Variants in OR2T6 observed in about 807,000 individuals in gnomAD.
The protein encoded by OR2T6 is olfactory receptor 2T6.
For missense variants in OR2T6, 424 were observed against 391.6 expected, an observed-to-expected ratio of 1.08 and a Z score of -0.70; for synonymous variants, 174 against 148.0, an observed-to-expected ratio of 1.18 and a Z score of -1.27.
Position 248,391,540 on chromosome 1 carries a change from A to G in OR2T6, c.*3005A>G, listed in dbSNP as rs932742776. The G allele has an allele frequency of 3.9e-5, 6 of 152,218 alleles. No individual in the cohort carries two copies. Among genetic ancestry groups the G allele is most frequent in the African/African-American group, 1.2e-4 (5 of 41,460 alleles). 9.4% of individuals were successfully genotyped at this position (152,218 alleles called of 1,614,324 possible). A position where few individuals can be genotyped will look rare whatever the true frequency, so the allele number is the denominator to read the frequency against. ...TATATGACACAGTAATTAATGTTAC[A>G]TAAGATTATGCTACATGGTACTATG... On this transcript the variant is annotated 3_prime_UTR_variant, in exon 3 of 3. Coordinates refer to ENST00000641644, the MANE Select transcript of OR2T6 (RefSeq NM_001005471.2).
intron 1 of OR2T6, among the ~76,000 whole-genome samples, chr1:248,376,524 AC>A (rs1202736171): frequency 2.0e-5 from 3 of 152,204 alleles, no homozygotes; most frequent in African/African-American, 4.8e-5. Context: ...GAAAAGTGGA[AC>A]TTTTACAATT....
chr1:248,377,226 G>T (rs867967923), intron 1 of OR2T6, among the ~76,000 whole-genome samples: 1 of 152,212 alleles, frequency 6.6e-6, no homozygotes, highest in Admixed American at 6.5e-5. Context: ...CTTTTCCAAA[G>T]ATCAGTTTTA....
Position 248,389,860 on chromosome 1 carries a change from G to A in OR2T6, c.*1325G>A, listed in dbSNP as rs768506108. The A allele has an allele frequency of 3.3e-5, 5 of 152,282 alleles. No individual in the cohort carries two copies. Among genetic ancestry groups the A allele is most frequent in the Non-Finnish European group, 5.9e-5 (4 of 68,076 alleles). The allele number at this position is 152,282 out of a possible 1,614,324, so 9.4% of individuals were successfully genotyped here. A position where few individuals can be genotyped will look rare whatever the true frequency, so the allele number is the denominator to read the frequency against. On this transcript the variant is annotated 3_prime_UTR_variant, in exon 3 of 3. Coordinates refer to ENST00000641644, the MANE Select transcript of OR2T6 (RefSeq NM_001005471.2). Reference sequence around the variant, plus strand: ...AAAGGATCACAAACCAGTCCAAGGGGAGAGAAGAAGAGAAAAGCGGTCCTG... The same window carrying A: ...AAAGGATCACAAACCAGTCCAAGGGAAGAGAAGAAGAGAAAAGCGGTCCTG...
intron 2 of OR2T6, among the ~76,000 whole-genome samples, chr1:248,385,730 G>C (rs2103071286): frequency 6.6e-6 from 1 of 152,320 alleles, no homozygotes; most frequent in Non-Finnish European, 1.5e-5. Flanking sequence ...TTTAGAGTGT[G>C]TCTCCTATTG....
At chr1:248,376,548 C>T (rs1038550779) in intron 1 of OR2T6, among the ~76,000 whole-genome samples, 50 of 152,146 alleles carry the variant, frequency 3.3e-4, no homozygotes, top group African/African-American at 1.2e-3. Flanking sequence ...ATGGAGTCAC[C>T]AGTTGGGCAT....
Position 248,388,843 on chromosome 1 carries a change from A to C in OR2T6, c.*308A>C. ...AGTTTGTGTATATGAATGCCCCAAAATGTTGAGTTAATATTACATATTCTG... is the reference window on the plus strand; with the variant it reads ...AGTTTGTGTATATGAATGCCCCAAACTGTTGAGTTAATATTACATATTCTG... On this transcript the variant is annotated 3_prime_UTR_variant, in exon 3 of 3. Coordinates refer to ENST00000641644, the MANE Select transcript of OR2T6 (RefSeq NM_001005471.2). 1 of 341,228 alleles carries C rather than the reference A, an allele frequency of 2.9e-6. No homozygotes were observed. The highest frequency in any genetic ancestry group is 5.3e-6 in the Non-Finnish European group (1 of 188,988). 21.1% of individuals were successfully genotyped at this position (341,228 alleles called of 1,614,324 possible).
chr1:248,388,536 G>C lies in OR2T6; in HGVS notation c.*1G>C, dbSNP rs1661191981. The C allele has an allele frequency of 1.9e-6, 3 of 1,555,896 alleles. No homozygotes were observed. Among genetic ancestry groups the C allele is most frequent in the Middle Eastern group, 3.5e-4 (2 of 5,714 alleles). On this transcript the variant is annotated 3_prime_UTR_variant, in exon 3 of 3. Coordinates refer to ENST00000641644, the MANE Select transcript of OR2T6 (RefSeq NM_001005471.2). ...GAAGAGAGTTGTGGCAAGATGTTAG[G>C]GGACATGTGGTGTGATGAGGAAAGA...
intron 1 of OR2T6, among the ~76,000 whole-genome samples, chr1:248,379,543 G>A (rs1328893121): frequency 6.6e-6 from 1 of 152,100 alleles, no homozygotes; most frequent in Non-Finnish European, 1.5e-5. Context: ...TGGGAAAAGA[G>A]GGAGTTTATA....
In OR2T6 at chr1:248,387,880, C is replaced by A. The variant is rs1661171127; in HGVS notation, c.272C>A (p.Thr91Asn). ...GTAGATTATCTCATGGGCGAGGGGACCATCTCTTTCATCGCCTGCACTGCT... is the reference window on the plus strand; with the variant it reads ...GTAGATTATCTCATGGGCGAGGGGAACATCTCTTTCATCGCCTGCACTGCT... ...MLVDYLMGEGTISFIACTAQC... is the reference protein window; with the variant it reads ...MLVDYLMGEGNISFIACTAQC... The change falls in exon 3 of 3, where the codon ACC (threonine) becomes AAC (asparagine). Residue 91 changes from threonine to asparagine, a missense_variant. Thr to Asn is a moderately conservative substitution (Grantham distance 65). Transcript: ENST00000641644. 8.8e-6 allele frequency: 14 copies of A among 1,596,236 alleles called. No homozygotes were observed. Among genetic ancestry groups the A allele is most frequent in the Non-Finnish European group, 1.0e-5 (12 of 1,168,568 alleles).
At chr1:248,379,216 T>C (rs572912504) in intron 1 of OR2T6, among the ~76,000 whole-genome samples, 96 of 152,292 alleles carry the variant, frequency 6.3e-4, no homozygotes, top group African/African-American at 2.0e-3. Context: ...TTTGTTGATA[T>C]GTTGTTGATA....
chr1:248,379,714 CA>C (rs57877752), intron 1 of OR2T6, among the ~76,000 whole-genome samples: 13,575 of 151,754 alleles, frequency 0.089, 1,869 homozygotes, highest in African/African-American at 0.3. Context: ...TAATTAATTC[CA>C]TTTTTTTGTG....
Position 248,384,745 on chromosome 1 carries a change from C to T in OR2T6, c.-124C>T, listed in dbSNP as rs1420954985. 1.3e-5 allele frequency: 2 copies of T among 152,208 alleles called. No homozygotes were observed. Among genetic ancestry groups the T allele is most frequent in the Admixed American group, 1.3e-4 (2 of 15,280 alleles). 9.4% of individuals were successfully genotyped at this position (152,208 alleles called of 1,614,324 possible). On this transcript the variant is annotated 5_prime_UTR_variant, in exon 2 of 3. Transcript: ENST00000641644. ...ATTCATCAGGTCCTCACGAGGAGCT[C>T]GTTAGATGAGATGCTACCCATTAGA...
Position 248,387,810 on chromosome 1 carries a change from G to A in OR2T6, c.202G>A (p.Val68Ile), listed in dbSNP as rs182818153. The A allele has an allele frequency of 5.0e-5, 80 of 1,608,972 alleles. No homozygotes were observed. Among genetic ancestry groups the A allele is most frequent in the Admixed American group, 3.2e-4 (19 of 59,844 alleles). The change falls in exon 3 of 3, where the codon GTC becomes ATC. Residue 68 changes from valine to isoleucine, a missense_variant. Transcript: ENST00000641644. ...GTACTTCCTCCTCAGCCACCTCTCC[G>A]TCATTGACACATTATACATCTCCAC... ...PMYFLLSHLS[V>I]IDTLYISTIV... is the part of the protein sequence containing the mutation.
At chr1:248,384,468 G>GT (rs1418542102) in intron 1 of OR2T6, among the ~76,000 whole-genome samples, 1 of 66,426 alleles carries the variant, frequency 1.5e-5, no homozygotes, top group Non-Finnish European at 2.9e-5. Context: ...GTTTCCTAAT[G>GT]TTATTGTCAT....
At chr1:248,381,988 G>C (rs1268548429) in intron 1 of OR2T6, among the ~76,000 whole-genome samples, 11 of 152,102 alleles carry the variant, frequency 7.2e-5, no homozygotes, top group Non-Finnish European at 1.6e-4. Context: ...CTAAGAAACT[G>C]ATGTGTGTGA....
intron 2 of OR2T6, among the ~76,000 whole-genome samples, chr1:248,385,287 T>C (rs1661119275): frequency 6.6e-6 from 1 of 152,258 alleles, no homozygotes; most frequent in Non-Finnish European, 1.5e-5. Flanking sequence ...CTCAAGATTT[T>C]TAATTTTCAG....
chr1:248,388,828 T>C lies in OR2T6; in HGVS notation c.*293T>C, dbSNP rs1405023203. 2.6e-6 allele frequency: 1 copy of C among 378,004 alleles called. No individual in the cohort carries two copies. Among genetic ancestry groups the C allele is most frequent in the East Asian group, 3.9e-5 (1 of 25,390 alleles). 23.4% of individuals were successfully genotyped at this position (378,004 alleles called of 1,614,324 possible). A position where few individuals can be genotyped will look rare whatever the true frequency, so the allele number is the denominator to read the frequency against. On this transcript the variant is annotated 3_prime_UTR_variant, in exon 3 of 3. Transcript: ENST00000641644. ...CACTTCTCTGATTGCAGTTTGTGTA[T>C]ATGAATGCCCCAAAATGTTGAGTTA...
At position 248,386,882 on chromosome 1, in the gene OR2T6, A is replaced by G. The variant is rs28483175; in HGVS notation, c.-4-723A>G. ...GCCCTTATTTGCATTACCTGGAACC[A>G]TGGTTCCCACTTTTGATTTACTGTG... On this transcript the variant is annotated intron_variant, in intron 2 of 2. Coordinates refer to ENST00000641644, the MANE Select transcript of OR2T6 (RefSeq NM_001005471.2). Among the ~76,000 whole-genome samples, 8 of 152,248 alleles carry G rather than the reference A, an allele frequency of 5.3e-5. No homozygotes were observed. The East Asian group carries it at 9.6e-4, about 18-fold the overall frequency.
Position 248,388,096 on chromosome 1 carries a change from C to A in OR2T6, c.488C>A (p.Thr163Asn). 6.2e-7 allele frequency: 1 copy of A among 1,614,034 alleles called. No homozygotes were observed. Among genetic ancestry groups the A allele is most frequent in the Non-Finnish European group, 8.5e-7 (1 of 1,180,012 alleles). The change falls in exon 3 of 3, where the codon ACC becomes AAC. Residue 163 changes from threonine (T) to asparagine (N), a missense_variant. Transcript: ENST00000641644. ...GACAGTTTTCTCCTCACCCCCATTA[C>A]CATGAGTCTCCCGTTCTGTGCCTCT... ...ALDSFLLTPITMSLPFCASHQ... is the reference protein window; with the variant it reads ...ALDSFLLTPINMSLPFCASHQ...
Sources: gnomAD v4.1 joint callset for allele counts (sites outside exome capture counted in the v4.1 genomes callset) on GRCh38, gnomAD v4.1.1 for gene constraint, MANE v1.5 for transcripts, NCBI Gene and HGNC (gene_info 2026-07-23, HGNC 2026-07-21) for gene names.